RC3H1: variants seen among roughly 807,000 people sequenced by gnomAD.
The protein encoded by RC3H1 is roquin-1.
Under a neutral mutation model 138.2 loss-of-function variants are expected in RC3H1, and 50 were observed. The ratio of observed to expected loss-of-function variants is 0.36; its 90% confidence interval spans 0.29 to 0.46. RC3H1 has a LOEUF of 0.46. RC3H1 is among the 20% of genes least tolerant of loss of function. RC3H1 has a pLI of 1.00. For missense variants in RC3H1, 1,031 were observed against 1,388.1 expected (o/e 0.74, Z 4.09); for synonymous variants, 462 against 489.1 (o/e 0.94, Z 0.73).
intron 9 of RC3H1, among the ~76,000 whole-genome samples, chr1:173,966,004 T>C (rs1660100603): frequency 6.6e-6 from 1 of 151,970 alleles, no homozygotes; most frequent in Admixed American, 6.6e-5. Flanking sequence ...TAACCGGGTG[T>C]GGTGGTGCAT....
intron 9 of RC3H1, among the ~76,000 whole-genome samples, chr1:173,965,844 T>C (rs1162350188): frequency 6.6e-6 from 1 of 151,850 alleles, no homozygotes; most frequent in East Asian, 1.9e-4. Context: ...ATTTACTCTG[T>C]TAAAAAATTT....
chr1:173,950,045 T>C (rs1306536839), intron 14 of RC3H1, among the ~76,000 whole-genome samples: 1 of 152,022 alleles, frequency 6.6e-6, no homozygotes, highest in Non-Finnish European at 1.5e-5. Context: ...GGTATGTGCC[T>C]GTAGTCCCAG....
At chr1:173,950,420 CAAAAAAAAAAA>C (rs60259705) in intron 14 of RC3H1, among the ~76,000 whole-genome samples, 2 of 63,664 alleles carry the variant, frequency 3.1e-5, no homozygotes, top group Non-Finnish European at 5.9e-5. Flanking sequence ...TCATCTCTAC[CAAAAAAAAAAA>C]AAAAAAAAAA....
chr1:173,946,639 T>G, intron 16 of RC3H1, 31 bp from the exon 17 acceptor site: 1 of 1,610,874 alleles, frequency 6.2e-7, no homozygotes, highest in Non-Finnish European at 8.5e-7. Context: ...TGAATCAAAT[T>G]TTAACATTTC....
chr1:173,993,163 T>C, intron 1 of RC3H1, 28 bp from the exon 2 acceptor site: 1 of 581,848 alleles, frequency 1.7e-6, no homozygotes, highest in Non-Finnish European at 3.0e-6. Context: ...GGAAAAAAAT[T>C]GAGTGTCTTT....
At chr1:173,981,996 G>C (rs1660840890) in intron 5 of RC3H1, among the ~76,000 whole-genome samples, 2 of 152,214 alleles carry the variant, frequency 1.3e-5, no homozygotes, top group Admixed American at 6.5e-5. Context: ...TGGGATAAGA[G>C]ACTATGTCCA....
intron 1 of RC3H1, among the ~76,000 whole-genome samples, chr1:174,015,237 A>C (rs1490532584): frequency 6.7e-6 from 1 of 150,054 alleles, no homozygotes; most frequent in East Asian, 1.9e-4. Context: ...AATTTTTCTG[A>C]TAATTATAGG....
chr1:174,013,885 T>A (rs893551352), intron 1 of RC3H1, among the ~76,000 whole-genome samples: 3 of 152,054 alleles, frequency 2.0e-5, no homozygotes, highest in Non-Finnish European at 4.4e-5. Flanking sequence ...TCAAGACCAA[T>A]CTCTATTTTA....
chr1:173,980,766 T>A, intron 6 of RC3H1, 43 bp downstream of exon 6: 1 of 1,472,252 alleles, frequency 6.8e-7, no homozygotes, highest in Non-Finnish European at 9.4e-7. Flanking sequence ...ATTACCAAAA[T>A]GCCAAGATTA....
At chr1:174,014,306 AGTATAAATGGGAACT>A (rs755889054) in intron 1 of RC3H1, among the ~76,000 whole-genome samples, 52 of 152,344 alleles carry the variant, frequency 3.4e-4, no homozygotes, top group Admixed American at 1.5e-3. Flanking sequence ...CGTGGGGGAC[AGTATAAATGGGAACT>A]GTGTATTTTT....
intron 1 of RC3H1, among the ~76,000 whole-genome samples, chr1:174,019,738 T>C (rs984053449): frequency 1.3e-5 from 2 of 152,262 alleles, no homozygotes; most frequent in Admixed American, 1.3e-4. Flanking sequence ...GTAATAAGTA[T>C]TGATACTGAA....
At chr1:173,989,434 C>G (rs1489349976) in intron 2 of RC3H1, among the ~76,000 whole-genome samples, 1 of 152,142 alleles carries the variant, frequency 6.6e-6, no homozygotes, top group Non-Finnish European at 1.5e-5. Flanking sequence ...AATGATCCAT[C>G]CATCTTGGCC....
At chr1:174,015,366 C>T (rs1320958769) in intron 1 of RC3H1, among the ~76,000 whole-genome samples, 4 of 145,856 alleles carry the variant, frequency 2.7e-5, no homozygotes, top group East Asian at 2.1e-4. Context: ...TTTTCCACTA[C>T]ACTTTTTTTT....
chr1:173,997,707 G>C (rs1336173734), intron 1 of RC3H1, among the ~76,000 whole-genome samples: 8 of 151,992 alleles, frequency 5.3e-5, no homozygotes, highest in African/African-American at 1.7e-4. Context: ...GCATTATTTT[G>C]ACCATAAATA....
At chr1:173,995,555 G>T (rs970897527) in intron 1 of RC3H1, among the ~76,000 whole-genome samples, 1 of 150,262 alleles carries the variant, frequency 6.7e-6, no homozygotes, top group Non-Finnish European at 1.5e-5. Context: ...AAAAGAAAAA[G>T]AAAAAAAGAA....
chr1:173,993,582 G>A (rs1346248052), intron 1 of RC3H1, among the ~76,000 whole-genome samples: 5 of 151,586 alleles, frequency 3.3e-5, no homozygotes, highest in African/African-American at 7.3e-5. Context: ...TAGTAGAGAC[G>A]GGATTTCTCC....
intron 4 of RC3H1, among the ~76,000 whole-genome samples, 200 bp downstream of exon 4, chr1:173,983,218 G>C (rs1384181564): frequency 6.6e-6 from 1 of 152,116 alleles, no homozygotes; most frequent in Non-Finnish European, 1.5e-5. Flanking sequence ...TTGGCATTAA[G>C]AGAAAAGTTT....
At chr1:173,990,665 C>T (rs981340267) in intron 2 of RC3H1, among the ~76,000 whole-genome samples, 17 of 151,380 alleles carry the variant, frequency 1.1e-4, no homozygotes, top group Admixed American at 5.3e-4. Context: ...CTCCGCCTCC[C>T]GGGTTCACAC....
intron 18 of RC3H1, 96 bp downstream of exon 18, chr1:173,943,346 T>C (rs1658990190): frequency 8.6e-7 from 1 of 1,163,256 alleles, no homozygotes; most frequent in Non-Finnish European, 1.2e-6. Context: ...CTCATCAGAG[T>C]GCCTTGAAGT....
Sources: allele counts gnomAD v4.1 joint callset (sites outside exome capture counted in the v4.1 genomes callset), GRCh38; gene constraint gnomAD v4.1.1; transcripts MANE v1.5; gene names NCBI Gene and HGNC (gene_info 2026-07-23, HGNC 2026-07-21).